Variants in RIMS1 observed in about 807,000 individuals in gnomAD.
The protein encoded by RIMS1 is regulating synaptic membrane exocytosis 1, also known as regulating synaptic membrane exocytosis protein 1.
RIMS1 carries 83 observed loss-of-function variants against 214.1 expected under a neutral mutation model. The observed-to-expected ratio is 0.39, with a 90% confidence interval of 0.32 to 0.47. The LOEUF is 0.47. Among genes scored for constraint, RIMS1 ranks in the 20% least tolerant of loss-of-function variants. The pLI, the probability that RIMS1 is intolerant of heterozygous loss-of-function variation, is 0.99. For missense variants in RIMS1, 2,050 were observed against 2,161.8 expected (o/e 0.95, Z 1.03); for synonymous variants, 793 against 786.8 (o/e 1.01, Z -0.13).
At chr6:72,077,807 A>C (rs1473159837) in intron 2 of RIMS1, among the ~76,000 whole-genome samples, 4 of 152,216 alleles carry the variant, frequency 2.6e-5, no homozygotes, top group Non-Finnish European at 5.9e-5. Context: ...CACTCAGCAA[A>C]TCACTGGCAG....
chr6:72,369,967 A>ACTT (rs2098164143), intron 29 of RIMS1, among the ~76,000 whole-genome samples: 1 of 152,228 alleles, frequency 6.6e-6, no homozygotes, highest in South Asian at 2.1e-4. Context: ...AGGCTGTAGA[A>ACTT]CTTCTGCATC....
intron 4 of RIMS1, among the ~76,000 whole-genome samples, chr6:72,132,959 A>G (rs2153854632): frequency 6.6e-6 from 1 of 152,020 alleles, no homozygotes; most frequent in Middle Eastern, 3.4e-3. Flanking sequence ...TATGTTTTTT[A>G]TTAATTGTCA....
At chr6:71,905,777 G>C (rs1374474497) in intron 1 of RIMS1, among the ~76,000 whole-genome samples, 1 of 152,122 alleles carries the variant, frequency 6.6e-6, no homozygotes, top group African/African-American at 2.4e-5. Flanking sequence ...GACTGGACAA[G>C]AAGGCAACAG....
rs985736157 is a variant in RIMS1 at position 72,157,848 on chromosome 6, A to G, written c.472-21727A>G. Among the ~76,000 whole-genome samples the G allele has an allele frequency of 1.6e-4, 22 of 140,342 alleles. 2 individuals are homozygous for G. Among genetic ancestry groups the G allele is most frequent in the Non-Finnish European group, 2.6e-4 (16 of 61,680 alleles). 92.1% of individuals were successfully genotyped at this position (140,342 alleles called of 152,430 possible). ...TTTTATTACTTCTTTTGGATTAGTT[A>G]TATTAGCATTCTATCTTTTCATTTT... On this transcript the variant is annotated intron_variant, in intron 4 of 33. Coordinates refer to ENST00000521978, the MANE Select transcript of RIMS1 (RefSeq NM_014989.7).
At chr6:72,207,871 A>G (rs2053193284) in intron 6 of RIMS1, among the ~76,000 whole-genome samples, 1 of 152,202 alleles carries the variant, frequency 6.6e-6, no homozygotes, top group Non-Finnish European at 1.5e-5. Context: ...AGTTTGTGTG[A>G]AAGAGGAATC....
intron 4 of RIMS1, among the ~76,000 whole-genome samples, chr6:72,118,650 G>C (rs746238526): frequency 6.6e-6 from 1 of 151,654 alleles, no homozygotes; most frequent in Non-Finnish European, 1.5e-5. Context: ...TTCATACCAG[G>C]TATGCAGGGA....
At chr6:72,135,844 C>A (rs558959196) in intron 4 of RIMS1, among the ~76,000 whole-genome samples, 1 of 152,152 alleles carries the variant, frequency 6.6e-6, no homozygotes, top group African/African-American at 2.4e-5. Context: ...AGGTACCTAC[C>A]CATTTACACC....
intron 2 of RIMS1, among the ~76,000 whole-genome samples, chr6:72,020,131 C>CA (rs1356920686): frequency 6.6e-6 from 1 of 152,108 alleles, no homozygotes; most frequent in Non-Finnish European, 1.5e-5. Flanking sequence ...AATAACATAT[C>CA]AAAGTTAGTT....
intron 2 of RIMS1, among the ~76,000 whole-genome samples, chr6:72,088,920 G>C (rs951991418): frequency 1.3e-5 from 2 of 151,516 alleles, no homozygotes; most frequent in African/African-American, 2.4e-5. Flanking sequence ...GAAGAGAAGA[G>C]AGGGAAGGAG....
chr6:72,359,518 T>C (rs930152365), intron 29 of RIMS1, among the ~76,000 whole-genome samples: 1 of 151,884 alleles, frequency 6.6e-6, no homozygotes, highest in Non-Finnish European at 1.5e-5. Flanking sequence ...TTTCCAAATA[T>C]CACAAAGCCA....
intron 31 of RIMS1, among the ~76,000 whole-genome samples, chr6:72,395,060 T>G (rs2098757190): frequency 6.6e-6 from 1 of 152,032 alleles, no homozygotes. Context: ...GAACAAAGCT[T>G]AAGATATAAT....
chr6:72,372,828 G>C (rs2098261454), intron 29 of RIMS1, among the ~76,000 whole-genome samples: 1 of 152,214 alleles, frequency 6.6e-6, no homozygotes, highest in African/African-American at 2.4e-5. Flanking sequence ...TTGAAGCAGG[G>C]AGATGCTAAA....
rs1321226831 is a variant in RIMS1, at chr6:72,248,056, A to G, written c.2170A>G (p.Ile724Val). 1.9e-6 allele frequency: 3 copies of G among 1,613,224 alleles called. No individual in the cohort carries two copies. Among genetic ancestry groups the G allele is most frequent in the Admixed American group, 1.7e-5 (1 of 59,962 alleles). The change falls in exon 12 of 34, where the codon ATT (isoleucine) becomes GTT (valine). Residue 724 changes from isoleucine to valine, a missense_variant. By Grantham distance (29) the Ile-to-Val change is conservative. This residue lies in a region of RIMS1 where 111 missense variants were observed against 166.2 expected (regional missense o/e 0.67). Transcript: ENST00000521978. ...FESQKMERPSISVISPTSPGA... is the reference protein window; with the variant it reads ...FESQKMERPSVSVISPTSPGA... Reference sequence around the variant, plus strand: ...ATCTCAGAAGATGGAAAGGCCTTCCATTTCTGTTATTTCTCCAACAAGTCC... The same window carrying G: ...ATCTCAGAAGATGGAAAGGCCTTCCGTTTCTGTTATTTCTCCAACAAGTCC...
intron 6 of RIMS1, among the ~76,000 whole-genome samples, chr6:72,230,950 C>T (rs940199437): frequency 2.0e-5 from 3 of 151,408 alleles, no homozygotes; most frequent in Non-Finnish European, 4.4e-5. Context: ...GTTCCTAGGA[C>T]GTTTTATTGA....
chr6:72,253,986 C>T (rs2074654604), intron 16 of RIMS1, among the ~76,000 whole-genome samples: 1 of 152,152 alleles, frequency 6.6e-6, no homozygotes, highest in African/African-American at 2.4e-5. Context: ...CTGCCTCAGC[C>T]TCCTGAGTAG....
At chr6:72,313,773 A>G in intron 28 of RIMS1, 101 bp downstream of exon 28, 3 of 1,170,540 alleles carry the variant, frequency 2.6e-6, no homozygotes, top group Non-Finnish European at 3.6e-6. Context: ...TTTAGGTCAC[A>G]GTGGGTTAAG....
chr6:72,296,984 C>A (rs2094154823), intron 26 of RIMS1, among the ~76,000 whole-genome samples: 1 of 151,612 alleles, frequency 6.6e-6, no homozygotes, highest in Non-Finnish European at 1.5e-5. Context: ...ATTTCTCACC[C>A]TTAGCATATT....
intron 4 of RIMS1, among the ~76,000 whole-genome samples, chr6:72,172,886 C>T (rs1435096412): frequency 6.6e-6 from 1 of 152,162 alleles, no homozygotes; most frequent in Non-Finnish European, 1.5e-5. Context: ...TCTCCATCCT[C>T]CTGCTCGAAA....
intron 2 of RIMS1, among the ~76,000 whole-genome samples, chr6:71,989,594 A>T (rs1347837135): frequency 6.6e-6 from 1 of 152,234 alleles, no homozygotes; most frequent in Non-Finnish European, 1.5e-5. Context: ...ATTGGCAAAC[A>T]GTTGCAATCA....
Sources: allele counts gnomAD v4.1 joint callset (sites outside exome capture counted in the v4.1 genomes callset), GRCh38; gene constraint gnomAD v4.1.1; regional missense constraint gnomAD v4.1.1; transcripts MANE v1.5; gene names NCBI Gene and HGNC (gene_info 2026-07-23, HGNC 2026-07-21).